The following ICE1 variants were observed in gnomAD, a reference collection of about 807,000 sequenced individuals.
The protein encoded by ICE1 is little elongation complex subunit 1.
In ICE1, 64 loss-of-function variants were observed where a neutral mutation model predicts 192.7. The ratio of observed to expected loss-of-function variants is 0.33; its 90% CI spans 0.27 to 0.41. The LOEUF is 0.41. ICE1 is among the 10% of genes least tolerant of loss of function. The pLI, the probability that ICE1 is intolerant of heterozygous loss-of-function variation, is 1.00. For missense variants in ICE1, 2,708 were observed against 2,696.0 expected, an observed-to-expected ratio of 1.00 and a Z score of -0.10; for synonymous variants, 1,010 against 984.5, an observed-to-expected ratio of 1.03 and a Z score of -0.49.
At chr5:5,474,948 A>G (rs905981984) in intron 16 of ICE1, among the ~76,000 whole-genome samples, 5 of 152,206 alleles carry the variant, frequency 3.3e-5, no homozygotes, top group Admixed American at 6.5e-5. Flanking sequence ...ACACATAGCT[A>G]TGAATGGATT....
Position 5,464,893 on chromosome 5 carries a change from G to A in ICE1, c.5559G>A (p.Gly1853=), listed in dbSNP as rs373710118. 2 of 1,613,394 alleles carry A rather than the reference G, an allele frequency of 1.2e-6. No individual in the cohort carries two copies. The highest frequency in any genetic ancestry group is 1.7e-5 in the Admixed American group (1 of 59,964). ...CTAAAAGACTGCGCCTGGACACTGG[G>A]TCCCCAGAACCAGAAACCAGGGGAG... ...RSAKRLRLDT[G]SPEPETRGVT... is the part of the protein sequence containing the mutation. The change falls in exon 13 of 19, where the codon GGG becomes GGA. Residue 1853 remains glycine (G), a synonymous_variant. Coordinates refer to ENST00000296564, the MANE Select transcript of ICE1 (RefSeq NM_015325.3). The surrounding 1 kb of genome is among the most constrained non-coding windows in gnomAD (Gnocchi z 4.0).
chr5:5,446,451 G>A (rs1041124414), intron 7 of ICE1, among the ~76,000 whole-genome samples: 4 of 150,520 alleles, frequency 2.7e-5, no homozygotes, highest in Non-Finnish European at 4.4e-5. Context: ...CACGACACCC[G>A]ACTAATTTCG....
At position 5,489,570 on chromosome 5, in the gene ICE1, ATAT is replaced by A. The variant is rs1739732393; in HGVS notation, c.*245_*247del. 2.8e-6 allele frequency: 1 copy of A among 352,534 alleles called. No homozygotes were observed. Among genetic ancestry groups the A allele is most frequent in the Non-Finnish European group, 5.0e-6 (1 of 198,910 alleles). 21.8% of individuals were successfully genotyped at this position (352,534 alleles called of 1,614,324 possible). A position where few individuals can be genotyped will look rare whatever the true frequency, so the allele number is the denominator to read the frequency against. On this transcript the variant is annotated 3_prime_UTR_variant, in exon 19 of 19. Transcript: ENST00000296564. ...TGTTGTGATCTGTGACATATGGGTT[ATAT>A]TATTGTGTCTTTGTCAAACAACAAA...
At chr5:5,454,762 A>G in intron 11 of ICE1, 124 bp downstream of exon 11, 1 of 608,550 alleles carries the variant, frequency 1.6e-6, no homozygotes, top group Non-Finnish European at 2.9e-6. Flanking sequence ...GTAAACTAGA[A>G]TGGGTACTTT....
At chr5:5,443,094 A>G (rs1738096465) in intron 5 of ICE1, 74 bp from the exon 6 acceptor site, 1 of 817,176 alleles carries the variant, frequency 1.2e-6, no homozygotes, top group Non-Finnish European at 1.9e-6. Context: ...TAGCTTATCA[A>G]AGGCAAAGCA....
intron 10 of ICE1, 47 bp downstream of exon 10, chr5:5,447,944 T>G: frequency 7.0e-7 from 1 of 1,434,808 alleles, no homozygotes; most frequent in Non-Finnish European, 9.6e-7. Context: ...TTGCTCTTAG[T>G]GGGTTGTGAG....
chr5:5,472,650 T>C (rs960566504), intron 15 of ICE1, among the ~76,000 whole-genome samples: 1 of 152,200 alleles, frequency 6.6e-6, no homozygotes, highest in African/African-American at 2.4e-5. Flanking sequence ...CCTTGAGACT[T>C]AGAACCTTTC....
chr5:5,459,729 C>G (rs1170185228), intron 12 of ICE1, among the ~76,000 whole-genome samples: 1 of 152,218 alleles, frequency 6.6e-6, no homozygotes, highest in Non-Finnish European at 1.5e-5. Flanking sequence ...CCACTGTTCT[C>G]TAACAGAATA....
intron 15 of ICE1, among the ~76,000 whole-genome samples, chr5:5,472,734 C>T (rs1398630016): frequency 6.6e-6 from 1 of 152,064 alleles, no homozygotes; most frequent in African/African-American, 2.4e-5. Flanking sequence ...CAAGCCCAAG[C>T]CTTTTCTTGT....
At chr5:5,481,825 G>A (rs1739510859) in intron 17 of ICE1, among the ~76,000 whole-genome samples, 1 of 152,008 alleles carries the variant, frequency 6.6e-6, no homozygotes, top group South Asian at 2.1e-4. Context: ...TCCAGTATTC[G>A]GTACAGGAAC....
intron 17 of ICE1, among the ~76,000 whole-genome samples, chr5:5,476,686 G>A (rs1739322924): frequency 6.6e-6 from 1 of 152,136 alleles, no homozygotes; most frequent in Non-Finnish European, 1.5e-5. Context: ...CAGAGCAAGA[G>A]CTTGCTCACC....
In ICE1 at chr5:5,454,554, A is replaced by G; in HGVS notation, c.607A>G (p.Lys203Glu). ...SDSYGSIDKR[K>E]VKLLLKELWL... ...TAATGCTTTGCTCTGTTTCACAGGA[A>G]AAGTGAAACTGCTTCTGAAGGAACT... Residue 203 changes from lysine to glutamate, a missense_variant and splice_region_variant, in exon 11 of 19, where the codon AAA (lysine) becomes GAA (glutamate). By Grantham distance (56) the Lys-to-Glu change is moderately conservative. Around this residue, in one of 2 missense-constraint regions of ICE1, gnomAD observed 2,366 missense variants for 2,276.6 expected, o/e 1.04. Transcript: ENST00000296564. 6.2e-7 allele frequency: 1 copy of G among 1,611,664 alleles called. No individual in the cohort carries two copies. Among genetic ancestry groups the G allele is most frequent in the East Asian group, 2.2e-5 (1 of 44,852 alleles).
chr5:5,472,365 C>T (rs1433237524), intron 15 of ICE1, among the ~76,000 whole-genome samples: 1 of 152,118 alleles, frequency 6.6e-6, no homozygotes, highest in Non-Finnish European at 1.5e-5. Context: ...TACAGCCACA[C>T]CTGAAACATA....
intron 17 of ICE1, among the ~76,000 whole-genome samples, chr5:5,484,020 C>T (rs1016716519): frequency 6.6e-6 from 1 of 152,178 alleles, no homozygotes; most frequent in African/African-American, 2.4e-5. Flanking sequence ...TCTGCTGGGG[C>T]TCCCTTGACA....
At position 5,462,525 on chromosome 5, in the gene ICE1, T is replaced by G. The variant is rs1336319256; in HGVS notation, c.3191T>G (p.Phe1064Cys). 4 of 1,613,892 alleles carry G rather than the reference T, an allele frequency of 2.5e-6. No homozygotes were observed. Among genetic ancestry groups the G allele is most frequent in the East Asian group, 2.2e-5 (1 of 44,894 alleles). The stretch of plus-strand genomic sequence containing the variant: ...CCCGGTGGTGCTTTGCCTGAGTGTT[T>G]TGGCACCACAGACACTACTTTTTCT... ...TTPGGALPEC[F>C]GTTDTTFSSA... The change falls in exon 13 of 19, where the codon TTT becomes TGT. Residue 1064 changes from phenylalanine (F) to cysteine (C), a missense_variant. Coordinates refer to ENST00000296564, the MANE Select transcript of ICE1 (RefSeq NM_015325.3).
chr5:5,480,249 CTTTTTT>C (rs574170460), intron 17 of ICE1, among the ~76,000 whole-genome samples: 2 of 129,922 alleles, frequency 1.5e-5, no homozygotes, highest in African/African-American at 5.8e-5. Flanking sequence ...TTTTCTTTTT[CTTTTTT>C]TTTTTTTTTT....
At chr5:5,485,489 CTT>C (rs1739617467) in intron 17 of ICE1, among the ~76,000 whole-genome samples, 1 of 152,132 alleles carries the variant, frequency 6.6e-6, no homozygotes, top group Non-Finnish European at 1.5e-5. Context: ...AGGGCAGAAT[CTT>C]TTACTAGCCT....
chr5:5,454,321 T>C (rs540628063), intron 10 of ICE1, among the ~76,000 whole-genome samples: 1 of 150,802 alleles, frequency 6.6e-6, no homozygotes, highest in Admixed American at 6.6e-5. Flanking sequence ...CTGCCACCAA[T>C]TTTTTTTTTA....
At chr5:5,459,917 C>T (rs1375655513) in intron 12 of ICE1, among the ~76,000 whole-genome samples, 1 of 152,210 alleles carries the variant, frequency 6.6e-6, no homozygotes, top group African/African-American at 2.4e-5. Flanking sequence ...TGACATCAGT[C>T]AGGCTGCAGC....
Sources: gnomAD v4.1 joint callset for allele counts (sites outside exome capture counted in the v4.1 genomes callset) on GRCh38, gnomAD v4.1.1 for gene constraint, gnomAD v4.1.1 regional missense constraint, Gnocchi (gnomAD v3.1) non-coding constraint, MANE v1.5 for transcripts, NCBI Gene and HGNC (gene_info 2026-07-23, HGNC 2026-07-21) for gene names.